Variants in GPC6 observed in about 807,000 individuals in gnomAD.
GPC6 encodes glypican 6.
A neutral mutation model predicts 55.2 loss-of-function variants in GPC6; 14 were observed. The ratio of observed to expected loss-of-function variants is 0.25; its 90% CI spans 0.17 to 0.40. The LOEUF (loss-of-function observed/expected upper bound fraction) is 0.40, where lower values mean the gene tolerates loss of function less well. Among genes scored for constraint, GPC6 ranks in the 10% least tolerant of loss-of-function variants. GPC6 has a pLI of 1.00. For synonymous variants in GPC6, 278 were observed against 259.6 expected (o/e 1.07, Z -0.68); for missense variants, 641 against 708.5 (o/e 0.90, Z 1.08).
At chr13:94,205,270 G>C (rs959607603) in intron 4 of GPC6, among the ~76,000 whole-genome samples, 1 of 152,100 alleles carries the variant, frequency 6.6e-6, no homozygotes, top group Non-Finnish European at 1.5e-5. Context: ...GGGACTTAAG[G>C]TTGCACTTGA....
intron 4 of GPC6, chr13:94,154,507 T>G (rs1887857935): frequency 6.6e-6 from 1 of 152,188 alleles, no homozygotes; most frequent in Admixed American, 6.6e-5. Flanking sequence ...CCACTGGGGC[T>G]AAAAACTTTG....
chr13:94,176,372 G>A (rs1225222989), intron 4 of GPC6, among the ~76,000 whole-genome samples: 1 of 152,044 alleles, frequency 6.6e-6, no homozygotes, highest in Non-Finnish European at 1.5e-5. Flanking sequence ...AGAGCATCAG[G>A]TTCTCGAAGG....
At position 93,845,523 on chromosome 13, in the gene GPC6, G is replaced by C. The variant is rs372825929; in HGVS notation, c.711+14978G>C. Among the ~76,000 whole-genome samples, 1,263 of 135,626 alleles carry C rather than the reference G, an allele frequency of 9.3e-3. 14 individuals carry two copies. Among genetic ancestry groups the C allele is most frequent in the East Asian group, 0.058 (225 of 3,910 alleles). 89.0% of individuals were successfully genotyped at this position (135,626 alleles called of 152,430 possible). A position where few individuals can be genotyped will look rare whatever the true frequency, so the allele number is the denominator to read the frequency against. ...ACTATAAATCATGCTGCTATAAAGA[G>C]ACATGCACATGTATGTTTATTGCGG... On this transcript the variant is annotated intron_variant, in intron 3 of 8. Transcript: ENST00000377047.
chr13:93,912,700 G>A (rs528113533), intron 3 of GPC6, among the ~76,000 whole-genome samples: 22 of 152,224 alleles, frequency 1.4e-4, no homozygotes, highest in South Asian at 4.1e-4. Flanking sequence ...CCGAGATTGC[G>A]CCACTGCACT....
chr13:94,300,333 T>G (rs1039833534), intron 5 of GPC6, among the ~76,000 whole-genome samples: 1 of 152,210 alleles, frequency 6.6e-6, no homozygotes, highest in Non-Finnish European at 1.5e-5. Context: ...GCACCTTAGT[T>G]TATTTTAAGA....
At chr13:94,356,043 T>C (rs1878776314) in intron 6 of GPC6, among the ~76,000 whole-genome samples, 1 of 152,174 alleles carries the variant, frequency 6.6e-6, no homozygotes, top group Non-Finnish European at 1.5e-5. Flanking sequence ...GGTTTTCTGT[T>C]CCTGTGTTAG....
At chr13:94,341,151 A>G (rs1006133233) in intron 6 of GPC6, among the ~76,000 whole-genome samples, 30 of 152,254 alleles carry the variant, frequency 2.0e-4, no homozygotes, top group African/African-American at 6.8e-4. Context: ...AGGCACTTCT[A>G]TACTAACAGG....
intron 2 of GPC6, among the ~76,000 whole-genome samples, chr13:93,586,487 A>C (rs1283433184): frequency 6.6e-6 from 1 of 152,190 alleles, no homozygotes; most frequent in Non-Finnish European, 1.5e-5. Flanking sequence ...GCTCTTTGAC[A>C]AACCTGACAA....
chr13:93,929,497 C>T (rs1878044738), intron 3 of GPC6, among the ~76,000 whole-genome samples: 2 of 152,188 alleles, frequency 1.3e-5, no homozygotes, highest in Middle Eastern at 3.4e-3. Context: ...TTAGAGAATC[C>T]TGACAATATA....
In GPC6 at chr13:94,207,030, C is replaced by T. The variant is rs559716496; in HGVS notation, c.878-79319C>T. 5.3e-5 allele frequency among the ~76,000 whole-genome samples: 8 copies of T among 152,176 alleles called. No individual in the cohort carries two copies. The South Asian group carries it at 8.3e-4, about 16-fold the overall frequency. ...CCAAGTAACAGATGACTAGAGACACCGCTAGAACCCACTGAAGTTACTCAA... is the reference window on the plus strand; with the variant it reads ...CCAAGTAACAGATGACTAGAGACACTGCTAGAACCCACTGAAGTTACTCAA... On this transcript the variant is annotated intron_variant, in intron 4 of 8. Transcript: ENST00000377047.
intron 6 of GPC6, among the ~76,000 whole-genome samples, chr13:94,350,085 G>A (rs1454831183): frequency 1.3e-5 from 2 of 151,870 alleles, no homozygotes; most frequent in East Asian, 3.9e-4. Context: ...TTGTGTGTGT[G>A]TGTGTGTTTA....
intron 1 of GPC6, among the ~76,000 whole-genome samples, chr13:93,532,766 A>G (rs1035669815): frequency 6.6e-6 from 1 of 152,188 alleles, no homozygotes; most frequent in Non-Finnish European, 1.5e-5. Flanking sequence ...CAGAAGAACT[A>G]AGAAGTTTCT....
chr13:93,982,990 G>A (rs1880872720), intron 3 of GPC6, among the ~76,000 whole-genome samples: 1 of 152,118 alleles, frequency 6.6e-6, no homozygotes, highest in Non-Finnish European at 1.5e-5. Context: ...GCTGGATTTG[G>A]CAAATGTACA....
intron 2 of GPC6, among the ~76,000 whole-genome samples, chr13:93,561,403 C>CTATATATATATATATATATATATAT (rs1566424669): frequency 1.8e-5 from 1 of 55,012 alleles, no homozygotes; most frequent in Non-Finnish European, 3.9e-5. Context: ...ATATCCCTAT[C>CTATATATATATATATATATATATAT]GATATATATA....
At chr13:94,363,164 G>A (rs149852578) in intron 6 of GPC6, among the ~76,000 whole-genome samples, 11 of 152,178 alleles carry the variant, frequency 7.2e-5, no homozygotes, top group African/African-American at 2.4e-4. Context: ...CATATCTGGT[G>A]TTTTATTGCA....
At chr13:93,310,335 T>G (rs968633007) in intron 1 of GPC6, among the ~76,000 whole-genome samples, 1 of 152,212 alleles carries the variant, frequency 6.6e-6, no homozygotes, top group Admixed American at 6.5e-5. Context: ...TCCTTCTTCC[T>G]GCTTCCTTCT....
chr13:93,304,645 A>C (rs916993721), intron 1 of GPC6, among the ~76,000 whole-genome samples: 3 of 152,270 alleles, frequency 2.0e-5, no homozygotes, highest in African/African-American at 7.2e-5. Context: ...GACAGATTTC[A>C]TTCGAGGTAC....
intron 1 of GPC6, among the ~76,000 whole-genome samples, chr13:93,304,622 T>G (rs187368802): frequency 6.6e-6 from 1 of 152,326 alleles, no homozygotes; most frequent in East Asian, 1.9e-4. Context: ...CTGACACATG[T>G]TAATGACACA....
At chr13:93,222,579 T>C (rs1166059385), upstream of GPC6, among the ~76,000 whole-genome samples, 1 of 151,660 alleles carries the variant, frequency 6.6e-6, no homozygotes, top group Non-Finnish European at 1.5e-5. Flanking sequence ...AGTACCATTA[T>C]CTCCATCTCT....
Sources: gnomAD v4.1 joint callset for allele counts (sites outside exome capture counted in the v4.1 genomes callset) on GRCh38, gnomAD v4.1.1 for gene constraint, MANE v1.5 for transcripts, NCBI Gene and HGNC (gene_info 2026-07-23, HGNC 2026-07-21) for gene names.